DCX: variants seen among roughly 807,000 people sequenced by gnomAD.
DCX encodes doublecortin.
DCX carries 4 observed loss-of-function variants against 20.9 expected under a neutral mutation model. The observed-to-expected ratio is 0.19, with a 90% CI of 0.09 to 0.44. The LOEUF (loss-of-function observed/expected upper bound fraction) is 0.44, where lower values mean the gene tolerates loss of function less well. Ranked by LOEUF, DCX falls within the 20% of genes least tolerant of loss-of-function variation. The pLI is 0.99. For synonymous variants in DCX, 103 were observed against 111.4 expected, an observed-to-expected ratio of 0.92 and a Z score of 0.47; for missense variants, 133 against 296.9, an observed-to-expected ratio of 0.45 and a Z score of 4.06.
intron 6 of DCX, among the ~76,000 whole-genome samples, chrX:111,309,840 G>T (rs1334857612): frequency 8.9e-6 from 1 of 111,808 alleles, no homozygotes; most frequent in African/African-American, 3.3e-5. Flanking sequence ...ACCAGAAAAA[G>T]AACATTATTA....
At chrX:111,354,967 G>C (rs1200615514) in intron 3 of DCX, among the ~76,000 whole-genome samples, 2 of 112,219 alleles carry the variant, frequency 1.8e-5, no homozygotes, top group Non-Finnish European at 3.8e-5. Flanking sequence ...GTAAGGACCA[G>C]GCCTGTTGCA....
chrX:111,377,119 C>G (rs937616329), intron 3 of DCX, among the ~76,000 whole-genome samples: 7 of 111,471 alleles, frequency 6.3e-5, no homozygotes, highest in African/African-American at 2.3e-4. Flanking sequence ...GCCTCCACTT[C>G]CAGCCTGACA....
intron 3 of DCX, among the ~76,000 whole-genome samples, chrX:111,365,834 C>T (rs1924585338): frequency 9.0e-6 from 1 of 111,529 alleles, no homozygotes; most frequent in African/African-American, 3.3e-5. Flanking sequence ...TATCTTGCTT[C>T]TTTGTTTAAC....
At chrX:111,402,818 T>TGC (rs1298267690) in intron 2 of DCX, among the ~76,000 whole-genome samples, 2 of 67,469 alleles carry the variant, frequency 3.0e-5, no homozygotes, top group African/African-American at 8.9e-5. Flanking sequence ...TGTGTGTGTG[T>TGC]GTGCGGAGGG....
At chrX:111,323,466 T>C (rs1450082441) in intron 5 of DCX, among the ~76,000 whole-genome samples, 1 of 111,418 alleles carries the variant, frequency 9.0e-6, no homozygotes, top group African/African-American at 3.3e-5. Flanking sequence ...AAGTATTCAA[T>C]TTATAGGCAC....
chrX:111,329,100 A>G (rs1320679685), intron 5 of DCX, among the ~76,000 whole-genome samples: 1 of 112,058 alleles, frequency 8.9e-6, no homozygotes, highest in Non-Finnish European at 1.9e-5. Context: ...AATCTTGACC[A>G]AGTGTTTTAA....
At chrX:111,353,979 G>T (rs896886433) in intron 3 of DCX, among the ~76,000 whole-genome samples, 6 of 111,966 alleles carry the variant, frequency 5.4e-5, no homozygotes, top group Non-Finnish European at 1.1e-4. Context: ...TACTTTTTGA[G>T]CCTGTTAAGG....
At chrX:111,409,163 A>T (rs1192946323) in intron 2 of DCX, among the ~76,000 whole-genome samples, 2 of 111,412 alleles carry the variant, frequency 1.8e-5, no homozygotes, top group Admixed American at 1.9e-4. Flanking sequence ...ATAGGGAAGC[A>T]TCCTCAGTAT....
chrX:111,405,843 G>A (rs1408342321), intron 2 of DCX, among the ~76,000 whole-genome samples: 1 of 111,304 alleles, frequency 9.0e-6, no homozygotes, highest in Non-Finnish European at 1.9e-5. Flanking sequence ...AGGACTGTGG[G>A]AAAACTGACA....
intron 2 of DCX, among the ~76,000 whole-genome samples, chrX:111,403,676 G>T (rs751695985): frequency 1.8e-4 from 20 of 112,084 alleles, no homozygotes; most frequent in South Asian, 3.8e-4. Flanking sequence ...TTTCTTCTTT[G>T]CAAAGCAAGG....
chrX:111,362,921 C>T (rs1233391379), intron 3 of DCX, among the ~76,000 whole-genome samples: 2 of 111,150 alleles, frequency 1.8e-5, no homozygotes, highest in African/African-American at 3.3e-5. Context: ...CACTAATGAA[C>T]AAAATAAAAG....
At chrX:111,310,898 C>T (rs2095056430) in intron 6 of DCX, among the ~76,000 whole-genome samples, 1 of 112,142 alleles carries the variant, frequency 8.9e-6, no homozygotes, top group African/African-American at 3.2e-5. Flanking sequence ...GATGATGGGT[C>T]CTCAGCATAA....
chrX:111,315,958 T>C (rs1202578819), intron 5 of DCX, among the ~76,000 whole-genome samples: 1 of 46,405 alleles, frequency 2.2e-5, no homozygotes, highest in Non-Finnish European at 3.6e-5. Context: ...AGGGATAGCA[T>C]TGGGAGATAT....
chrX:111,376,623 A>G (rs1015015375), intron 3 of DCX, among the ~76,000 whole-genome samples: 1 of 111,652 alleles, frequency 9.0e-6, no homozygotes, highest in African/African-American at 3.3e-5. Context: ...AGTTTGCATC[A>G]GGAATTACCA....
chrX:111,374,722 C>T (rs907133191), intron 3 of DCX, among the ~76,000 whole-genome samples: 1 of 110,127 alleles, frequency 9.1e-6, no homozygotes, highest in Non-Finnish European at 1.9e-5. Flanking sequence ...GTGGCCACAG[C>T]TCTCACATGG....
chrX:111,367,808 G>A (rs184268786), intron 3 of DCX, among the ~76,000 whole-genome samples: 22 of 111,216 alleles, frequency 2.0e-4, no homozygotes, highest in African/African-American at 6.5e-4. Flanking sequence ...GGGAAGTCTA[G>A]AGCAAAACTG....
In DCX at chrX:111,300,495, CT is replaced by C. The variant is rs2095031269; in HGVS notation, c.*1191del. The C allele has an allele frequency of 8.9e-6, 1 of 112,395 alleles. No individual in the cohort carries two copies. The allele number at this position is 112,395 out of a possible 1,213,427, so 9.3% of individuals were successfully genotyped here. On this transcript the variant is annotated 3_prime_UTR_variant, in exon 7 of 7. Transcript: ENST00000636035. ...ATTGAAATTATTAATGCAAGCATAACTGTTAAAAAGCTATCAAAAAACTGAT... is the reference window on the plus strand; with the variant it reads ...ATTGAAATTATTAATGCAAGCATAACGTTAAAAAGCTATCAAAAAACTGAT...
rs756892924 is a variant in DCX, at chrX:111,406,524, C to T, written c.364+3511G>A. On this transcript the variant is annotated intron_variant, in intron 2 of 6. Transcript: ENST00000636035. ...TAATGGATAGAGAAGGCAGGTGTTA[C>T]TAGTCCCATTTTACAGTTAAAAATA... Among the ~76,000 whole-genome samples, 5 of 111,768 alleles carry T rather than the reference C, an allele frequency of 4.5e-5. No homozygotes were observed. In the East Asian group the frequency reaches 1.4e-3, roughly 31 times the overall value.
chrX:111,331,965 C>T (rs1315075580), intron 4 of DCX, among the ~76,000 whole-genome samples: 1 of 112,778 alleles, frequency 8.9e-6, no homozygotes, highest in East Asian at 2.8e-4. Context: ...GTTTTTCCAA[C>T]CTTGTGCTGT....
Sources: allele counts gnomAD v4.1 joint callset (sites outside exome capture counted in the v4.1 genomes callset), GRCh38; gene constraint gnomAD v4.1.1; transcripts MANE v1.5; gene names NCBI Gene and HGNC (gene_info 2026-07-23, HGNC 2026-07-21).